The following RAI1 variants were observed in gnomAD, a reference collection of about 807,000 sequenced individuals.
RAI1 encodes retinoic acid induced 1.
Under a neutral mutation model 123.8 loss-of-function variants are expected in RAI1, and 9 were observed. The ratio of observed to expected loss-of-function variants is 0.07; its 90% CI spans 0.04 to 0.13. The LOEUF (loss-of-function observed/expected upper bound fraction) is 0.13, where lower values mean the gene tolerates loss of function less well. RAI1 is among the 10% of genes least tolerant of loss of function. The pLI is 1.00. For synonymous variants in RAI1, 1,231 were observed against 1,127.3 expected (o/e 1.09, Z -1.84); for missense variants, 2,256 against 2,545.8 (o/e 0.89, Z 2.45).
chr17:17,762,486 C>T (rs529776197), intron 2 of RAI1, among the ~76,000 whole-genome samples: 12 of 152,246 alleles, frequency 7.9e-5, no homozygotes, highest in Admixed American at 5.2e-4. Context: ...TCTGACTCTA[C>T]CCCCAGCAGC....
chr17:17,778,835 T>A (rs1410161174), intron 2 of RAI1: 2 of 456,682 alleles, frequency 4.4e-6, no homozygotes, highest in Admixed American at 4.7e-5. Flanking sequence ...AGAGGCTCTC[T>A]CCCCCAGATG....
intron 2 of RAI1, among the ~76,000 whole-genome samples, chr17:17,768,050 A>G (rs1210443066): frequency 6.6e-6 from 1 of 152,236 alleles, no homozygotes; most frequent in Non-Finnish European, 1.5e-5. Flanking sequence ...TTAGCATATA[A>G]TAAGTGCTCA....
At chr17:17,780,356 G>A (rs1004093505) in intron 2 of RAI1, among the ~76,000 whole-genome samples, 1 of 152,030 alleles carries the variant, frequency 6.6e-6, no homozygotes, top group Non-Finnish European at 1.5e-5. Context: ...GTGAGGCATC[G>A]CACCCGGCCA....
intron 1 of RAI1, among the ~76,000 whole-genome samples, chr17:17,721,759 C>T (rs1236382043): frequency 6.6e-6 from 1 of 152,162 alleles, no homozygotes; most frequent in Non-Finnish European, 1.5e-5. Context: ...GACCCTGGTC[C>T]CCAAGACAGA....
chr17:17,722,143 G>A (rs544450604), intron 1 of RAI1, among the ~76,000 whole-genome samples: 4 of 152,294 alleles, frequency 2.6e-5, no homozygotes, highest in African/African-American at 9.6e-5. Flanking sequence ...TCACTGGCCA[G>A]CGGGAGAAAG....
chr17:17,730,875 G>A (rs1916246434), intron 2 of RAI1, among the ~76,000 whole-genome samples: 1 of 152,228 alleles, frequency 6.6e-6, no homozygotes, highest in Non-Finnish European at 1.5e-5. Flanking sequence ...AAGCTTTGCC[G>A]GTGTCACTCT....
chr17:17,790,715 G>A (rs1035276123), intron 2 of RAI1, among the ~76,000 whole-genome samples: 6 of 152,266 alleles, frequency 3.9e-5, no homozygotes, highest in Non-Finnish European at 5.9e-5. Context: ...AAGCCGAAAT[G>A]TAATTTGTGC....
chr17:17,742,975 C>T (rs1459554546), intron 2 of RAI1, among the ~76,000 whole-genome samples: 2 of 152,134 alleles, frequency 1.3e-5, no homozygotes, highest in Non-Finnish European at 2.9e-5. Context: ...ATTACAACTC[C>T]CTTCATTCCA....
chr17:17,769,146 T>C (rs2031049078), intron 2 of RAI1, among the ~76,000 whole-genome samples: 1 of 152,262 alleles, frequency 6.6e-6, no homozygotes, highest in African/African-American at 2.4e-5. Flanking sequence ...AATGATTTCT[T>C]GGCTCATGTC....
chr17:17,689,263 A>C (rs918384102), intron 1 of RAI1, among the ~76,000 whole-genome samples: 1 of 152,098 alleles, frequency 6.6e-6, no homozygotes, highest in Non-Finnish European at 1.5e-5. Flanking sequence ...ACGCCCGGCC[A>C]ATTATTCTTC....
rs2032410961 is a variant in RAI1 at position 17,800,198 on chromosome 17, C to CTCTCTCTG, written c.5565+1692_5565+1693insGTCTCTCT. ...TCTCTCTGTCTCTCTCTCTCTCTCT[C>CTCTCTCTG]TCTCTCTCTCTCTCTCTCTCTCTCT... On this transcript the variant is annotated intron_variant, in intron 3 of 5. Transcript: ENST00000353383. The surrounding 1 kb of genome is among the most constrained non-coding windows in gnomAD (Gnocchi z 4.7). Among the ~76,000 whole-genome samples the CTCTCTCTG allele has an allele frequency of 7.7e-6, 1 of 129,778 alleles. No individual in the cohort carries two copies. Among genetic ancestry groups the CTCTCTCTG allele is most frequent in the African/African-American group, 3.1e-5 (1 of 32,040 alleles). 85.1% of individuals were successfully genotyped at this position (129,778 alleles called of 152,430 possible). A position where few individuals can be genotyped will look rare whatever the true frequency, so the allele number is the denominator to read the frequency against.
At chr17:17,718,449 G>GA (rs1394803076) in intron 1 of RAI1, among the ~76,000 whole-genome samples, 1 of 152,178 alleles carries the variant, frequency 6.6e-6, no homozygotes, top group Non-Finnish European at 1.5e-5. Flanking sequence ...GCTTGCTCAG[G>GA]AAGTGCTTGG....
intron 2 of RAI1, among the ~76,000 whole-genome samples, chr17:17,737,014 A>G (rs576820668): frequency 6.6e-6 from 1 of 152,244 alleles, no homozygotes; most frequent in South Asian, 2.1e-4. Context: ...TCAGTAGACC[A>G]CTGGCATTTC....
intron 2 of RAI1, among the ~76,000 whole-genome samples, chr17:17,785,593 CG>C (rs2031799872): frequency 1.3e-5 from 2 of 152,192 alleles, no homozygotes; most frequent in African/African-American, 4.8e-5. Context: ...GCGCCTCGCC[CG>C]GTGTCTGGTG....
Position 17,800,180 on chromosome 17 carries a change from G to GTCTCTCTCTCTCTCTCTCTCTCTCTCTC in RAI1, c.5565+1688_5565+1715dup, listed in dbSNP as rs58147049. On this transcript the variant is annotated intron_variant, in intron 3 of 5. Transcript: ENST00000353383. The surrounding 1 kb of genome is among the most constrained non-coding windows in gnomAD (Gnocchi z 4.7). ...TCTCTCCTGCTTTCTGTCTCTCTCT[G>GTCTCTCTCTCTCTCTCTCTCTCTCTCTC]TCTCTCTCTCTCTCTCTCTCTCTCT... 1.7e-4 allele frequency among the ~76,000 whole-genome samples: 20 copies of GTCTCTCTCTCTCTCTCTCTCTCTCTCTC among 116,388 alleles called. No individual in the cohort carries two copies. Among genetic ancestry groups the GTCTCTCTCTCTCTCTCTCTCTCTCTCTC allele is most frequent in the African/African-American group, 4.5e-4 (15 of 33,436 alleles). The allele number at this position is 116,388 out of a possible 152,430, so 76.4% of individuals were successfully genotyped here. A position where few individuals can be genotyped will look rare whatever the true frequency, so the allele number is the denominator to read the frequency against.
chr17:17,716,408 G>A (rs943517472), intron 1 of RAI1, among the ~76,000 whole-genome samples: 1 of 152,228 alleles, frequency 6.6e-6, no homozygotes, highest in African/African-American at 2.4e-5. Context: ...GTGTATATGT[G>A]TATACATCTC....
At chr17:17,752,380 G>T (rs1406206672) in intron 2 of RAI1, among the ~76,000 whole-genome samples, 1 of 152,206 alleles carries the variant, frequency 6.6e-6, no homozygotes, top group Non-Finnish European at 1.5e-5. Flanking sequence ...CCTGTGGGCG[G>T]GGCCCCCGGG....
At chr17:17,751,128 G>A (rs1200059890) in intron 2 of RAI1, among the ~76,000 whole-genome samples, 1 of 152,234 alleles carries the variant, frequency 6.6e-6, no homozygotes, top group Non-Finnish European at 1.5e-5. Context: ...AGCCCTCCAT[G>A]CAGGAAAGCG....
intron 2 of RAI1, among the ~76,000 whole-genome samples, chr17:17,747,680 C>T (rs1010226970): frequency 2.0e-5 from 3 of 152,044 alleles, no homozygotes; most frequent in Non-Finnish European, 4.4e-5. Flanking sequence ...TGTGCTTAGT[C>T]GCTTCTAGAT....
Sources: gnomAD v4.1 joint callset for allele counts (sites outside exome capture counted in the v4.1 genomes callset) on GRCh38, gnomAD v4.1.1 for gene constraint, Gnocchi (gnomAD v3.1) non-coding constraint, MANE v1.5 for transcripts, NCBI Gene and HGNC (gene_info 2026-07-23, HGNC 2026-07-21) for gene names.